CFTR: variants seen among roughly 807,000 people sequenced by gnomAD.
CFTR encodes the protein cystic fibrosis transmembrane conductance regulator.
A neutral mutation model predicts 171.6 loss-of-function variants in CFTR; 181 were observed. The observed-to-expected ratio is 1.05, with a 90% CI of 0.93 to 1.19. CFTR has a LOEUF of 1.19. Ranked by LOEUF, CFTR falls within the 50% of genes most tolerant of loss-of-function variation. The pLI is 0.00. For synonymous variants in CFTR, 583 were observed against 608.0 expected (o/e 0.96, Z 0.60); for missense variants, 1,968 against 1,734.7 (o/e 1.13, Z -2.39).
At chr7:117,607,703 T>G (rs1479925521) in intron 18 of CFTR, among the ~76,000 whole-genome samples, 1 of 152,174 alleles carries the variant, frequency 6.6e-6, no homozygotes, top group Admixed American at 6.5e-5. Flanking sequence ...AGAAGGATTA[T>G]CACATAAGTA....
intron 2 of CFTR, among the ~76,000 whole-genome samples, chr7:117,507,792 T>C (rs1798444968): frequency 6.6e-6 from 1 of 152,162 alleles, no homozygotes. Flanking sequence ...TTTTTGTTTG[T>C]TTGTGTTGTT....
At position 117,559,593 on chromosome 7, in the gene CFTR, T is replaced by C. The variant is rs753920616; in HGVS notation, c.1522T>C (p.Phe508Leu). ...TGGCACCATTAAAGAAAATATCATC[T>C]TTGGTGTTTCCTATGATGAATATAG... Reference protein sequence around the residue: ...MPGTIKENIIFGVSYDEYRYR... With the variant: ...MPGTIKENIILGVSYDEYRYR... Residue 508 changes from phenylalanine (F) to leucine (L), a missense_variant, in exon 11 of 27, where the codon TTT (phenylalanine) becomes CTT (leucine). Transcript: ENST00000003084. The C allele has an allele frequency of 5.1e-6, 8 of 1,573,730 alleles. No individual in the cohort carries two copies. Among genetic ancestry groups the C allele is most frequent in the South Asian group, 1.1e-5 (1 of 90,586 alleles).
Position 117,485,904 on chromosome 7 carries a change from T to G in CFTR, c.53+5757T>G, listed in dbSNP as rs527754502. ...TTCCGTGGAACAATTTAATAAAGAT[T>G]TTTTTGTGATGTTAATGAGTTCATG... On this transcript the variant is annotated intron_variant, in intron 1 of 26. Transcript: ENST00000003084. Among the ~76,000 whole-genome samples the G allele has an allele frequency of 6.2e-4, 95 of 152,270 alleles. No individual in the cohort carries two copies. The Middle Eastern group carries it at 0.027, about 44-fold the overall frequency.
chr7:117,611,808 G>C lies in CFTR; in HGVS notation c.3367G>C (p.Gly1123Arg), dbSNP rs397508546. The C allele has an allele frequency of 6.2e-7, 1 of 1,600,208 alleles. No individual in the cohort carries two copies. The highest frequency in any genetic ancestry group is 8.6e-7 in the Non-Finnish European group (1 of 1,168,614). Residue 1123 changes from glycine (G) to arginine (R), a missense_variant and splice_region_variant, in exon 20 of 27, where the codon GGA (glycine) becomes CGA (arginine). Physicochemically the swap from Gly to Arg is moderately radical, Grantham distance 125 (BLOSUM62 -2). Coordinates refer to ENST00000003084, the MANE Select transcript of CFTR (RefSeq NM_000492.4). ...TACCTTCATTTCCATTTTAACAACA[G>C]GTACTATGAACTCATTAACTTTAGC... ...AVTFISILTT[G>R]EGEGRVGIIL...
chr7:117,504,000 GA>G (rs928578607), intron 1 of CFTR, among the ~76,000 whole-genome samples: 4 of 152,004 alleles, frequency 2.6e-5, no homozygotes, highest in African/African-American at 7.2e-5. Flanking sequence ...TTTTCCCTGG[GA>G]AAAACCATAC....
At chr7:117,520,379 T>C (rs1247951777) in intron 3 of CFTR, among the ~76,000 whole-genome samples, 1 of 151,596 alleles carries the variant, frequency 6.6e-6, no homozygotes. Context: ...TAAAGGCCCA[T>C]GCCACCCAAA....
At chr7:117,654,441 A>G (rs983818107) in intron 24 of CFTR, among the ~76,000 whole-genome samples, 2 of 152,092 alleles carry the variant, frequency 1.3e-5, no homozygotes, top group Non-Finnish European at 2.9e-5. Context: ...GGGAGCTGAT[A>G]TGGTTTGGGT....
Position 117,603,763 on chromosome 7 carries a change from C to A in CFTR, c.2889C>A (p.Thr963=). ...CTGTTCTTCAAGCACCTATGTCAAC[C>A]CTCAACACGTTGAAAGCAGGTACTT... ...LHSVLQAPMS[T]LNTLKAGGIL... is the part of the protein sequence containing the mutation. The change falls in exon 17 of 27, where the codon ACC becomes ACA. Residue 963 remains threonine, a synonymous_variant. Transcript: ENST00000003084. The A allele has an allele frequency of 1.9e-6, 3 of 1,613,946 alleles. No homozygotes were observed. Among genetic ancestry groups the A allele is most frequent in the Non-Finnish European group, 2.5e-6 (3 of 1,179,936 alleles).
chr7:117,545,813 C>A (rs1010244647), intron 9 of CFTR, among the ~76,000 whole-genome samples: 3 of 151,308 alleles, frequency 2.0e-5, no homozygotes, highest in Non-Finnish European at 2.9e-5. Flanking sequence ...TTTTTTTAAT[C>A]ACATATATGA....
At chr7:117,641,232 A>G (rs1368588786) in intron 22 of CFTR, among the ~76,000 whole-genome samples, 2 of 152,186 alleles carry the variant, frequency 1.3e-5, no homozygotes, top group Non-Finnish European at 2.9e-5. Context: ...AATAGTGTTC[A>G]ATAAATTATT....
intron 8 of CFTR, among the ~76,000 whole-genome samples, chr7:117,541,447 T>C (rs1799050790): frequency 6.6e-6 from 1 of 152,128 alleles, no homozygotes; most frequent in African/African-American, 2.4e-5. Context: ...TGGCCAAGAC[T>C]TCAGTATGCG....
At chr7:117,489,858 C>A (rs1798129867) in intron 1 of CFTR, among the ~76,000 whole-genome samples, 1 of 151,840 alleles carries the variant, frequency 6.6e-6, no homozygotes, top group South Asian at 2.1e-4. Context: ...AAAATACATA[C>A]ATTTCAAATC....
rs757444123 is a variant in CFTR at position 117,603,594 on chromosome 7, T to G, written c.2720T>G (p.Ile907Ser). Residue 907 changes from isoleucine to serine, a missense_variant, in exon 17 of 27, where the codon ATC becomes AGC. Physicochemically the swap from Ile to Ser is moderately radical, Grantham distance 142. Transcript: ENST00000003084. ...HSRNNSYAVIITSTSSYYVFY... is the reference protein window; with the variant it reads ...HSRNNSYAVISTSTSSYYVFY... Reference sequence around the variant, plus strand: ...AGAAATAACAGCTATGCAGTGATTATCACCAGCACCAGTTCGTATTATGTG... The same window carrying G: ...AGAAATAACAGCTATGCAGTGATTAGCACCAGCACCAGTTCGTATTATGTG... The G allele has an allele frequency of 1.2e-6, 2 of 1,614,016 alleles. No individual in the cohort carries two copies. Among genetic ancestry groups the G allele is most frequent in the South Asian group, 2.2e-5 (2 of 91,080 alleles).
chr7:117,488,452 G>A (rs559690381), intron 1 of CFTR, among the ~76,000 whole-genome samples: 1 of 152,048 alleles, frequency 6.6e-6, no homozygotes, highest in Non-Finnish European at 1.5e-5. Flanking sequence ...TAGCTTAACA[G>A]TTATTAGATT....
intron 3 of CFTR, among the ~76,000 whole-genome samples, chr7:117,528,384 A>G (rs1798797829): frequency 9.7e-6 from 1 of 102,638 alleles, no homozygotes; most frequent in Non-Finnish European, 2.0e-5. Flanking sequence ...TTAAAGATTT[A>G]AACGTTAGAC....
chr7:117,650,745 G>A (rs1410530849), intron 23 of CFTR, among the ~76,000 whole-genome samples: 1 of 152,130 alleles, frequency 6.6e-6, no homozygotes, highest in African/African-American at 2.4e-5. Context: ...ATCTCTCCAG[G>A]AACTGAGCCT....
intron 24 of CFTR, among the ~76,000 whole-genome samples, chr7:117,659,652 A>G (rs1400426283): frequency 6.6e-6 from 1 of 152,168 alleles, no homozygotes; most frequent in African/African-American, 2.4e-5. Flanking sequence ...ATCTAAGTAC[A>G]ATGTCTGTTG....
rs1375344331 is a variant in CFTR at position 117,627,752 on chromosome 7, A to G, written c.3699A>G (p.Ser1233=). The G allele has an allele frequency of 1.2e-6, 2 of 1,612,168 alleles. No homozygotes were observed. The highest frequency in any genetic ancestry group is 1.7e-6 in the Non-Finnish European group (2 of 1,179,404). The change falls in exon 22 of 27, where the codon TCA becomes TCG. Residue 1233 remains serine, a synonymous_variant. Coordinates refer to ENST00000003084, the MANE Select transcript of CFTR (RefSeq NM_000492.4). The part of the protein sequence containing the change: ...GNAILENISF[S]ISPGQRVGLL... ...CCATATTAGAGAACATTTCCTTCTC[A>G]ATAAGTCCTGGCCAGAGGGTGAGAT...
At chr7:117,542,926 T>C (rs1461795431) in intron 9 of CFTR, among the ~76,000 whole-genome samples, 1 of 152,250 alleles carries the variant, frequency 6.6e-6, no homozygotes, top group Non-Finnish European at 1.5e-5. Context: ...TCTAAAGTGC[T>C]TTATATATAC....
Sources: gnomAD v4.1 joint callset for allele counts (sites outside exome capture counted in the v4.1 genomes callset) on GRCh38, gnomAD v4.1.1 for gene constraint, MANE v1.5 for transcripts, NCBI Gene and HGNC (gene_info 2026-07-23, HGNC 2026-07-21) for gene names.